Variants in UNC13C observed in about 807,000 individuals in gnomAD.
UNC13C encodes protein unc-13 homolog C.
In UNC13C, 174 loss-of-function variants were observed where a neutral mutation model predicts 245.4. The observed-to-expected ratio is 0.71, with a 90% CI of 0.63 to 0.80. UNC13C has a LOEUF of 0.80. Ranked by LOEUF, UNC13C falls within the 30% of genes least tolerant of loss-of-function variation. The pLI is 0.00. For synonymous variants in UNC13C, 992 were observed against 895.1 expected, an observed-to-expected ratio of 1.11 and a Z score of -1.93; for missense variants, 2,829 against 2,602.9, an observed-to-expected ratio of 1.09 and a Z score of -1.89.
chr15:54,126,851 A>G lies in UNC13C; in HGVS notation c.2984-16167A>G, dbSNP rs186968768. On this transcript the variant is annotated intron_variant, in intron 2 of 32. Transcript: ENST00000260323. ...TACACAGAATCTACAAGGAACTTAA[A>G]CAAATTTACAAGAAAAAAACAACCC... 2.9e-4 allele frequency among the ~76,000 whole-genome samples: 44 copies of G among 152,356 alleles called. No individual in the cohort carries two copies. The East Asian group carries it at 5.8e-3, about 20-fold the overall frequency.
Position 54,338,214 on chromosome 15 carries a change from C to T in UNC13C, c.4585-147C>T, listed in dbSNP as rs2038640192. On this transcript the variant is annotated intron_variant, in intron 16 of 32. Transcript: ENST00000260323. ...TTATATCAGAAAGTTAAAATGTTTA[C>T]ACATTTAAAACCACATGGTAAGATG... 9.2e-6 allele frequency: 8 copies of T among 873,222 alleles called. No homozygotes were observed. The South Asian group carries it at 1.3e-4, about 14-fold the overall frequency. The allele number at this position is 873,222 out of a possible 1,614,324, so 54.1% of individuals were successfully genotyped here. A position where few individuals can be genotyped will look rare whatever the true frequency, so the allele number is the denominator to read the frequency against.
At chr15:53,899,330 A>G in the UNC13C span, among the ~76,000 whole-genome samples, 1 of 152,208 alleles carries the variant, frequency 6.6e-6, no homozygotes, top group African/African-American at 2.4e-5. Context: ...CTCTGAATAA[A>G]TCTAAATTGT....
intron 24 of UNC13C, among the ~76,000 whole-genome samples, chr15:54,518,327 C>A (rs970882169): frequency 3.3e-5 from 5 of 152,090 alleles, no homozygotes; most frequent in Non-Finnish European, 7.4e-5. Context: ...CAGACCCAGG[C>A]AGGTGACGCT....
At chr15:54,448,866 G>T (rs1253679376) in intron 19 of UNC13C, among the ~76,000 whole-genome samples, 2 of 152,104 alleles carry the variant, frequency 1.3e-5, no homozygotes, top group African/African-American at 4.8e-5. Context: ...TTTCTTCCTA[G>T]CCTCGATGGT....
At position 54,500,421 on chromosome 15, in the gene UNC13C, A is replaced by C. The variant is rs111560291; in HGVS notation, c.5157+246A>C. ...TTTCTTTAATTCTTACATTAATCTG[A>C]ATCTACAGGTTTCCTAACCTTGTAC... On this transcript the variant is annotated intron_variant, in intron 21 of 32. Coordinates refer to ENST00000260323, the MANE Select transcript of UNC13C (RefSeq NM_001080534.3). Among the ~76,000 whole-genome samples the C allele has an allele frequency of 9.9e-3, 1,502 of 151,914 alleles. 11 individuals carry two copies. Among genetic ancestry groups the C allele is most frequent in the Non-Finnish European group, 0.016 (1,096 of 67,948 alleles).
At chr15:54,058,885 G>C (rs1368581759) in intron 2 of UNC13C, among the ~76,000 whole-genome samples, 6 of 152,160 alleles carry the variant, frequency 3.9e-5, no homozygotes, top group Non-Finnish European at 7.3e-5. Context: ...GATAGATGCA[G>C]AAAAGGCCTT....
At chr15:54,547,848 A>G (rs1896554820) in intron 27 of UNC13C, among the ~76,000 whole-genome samples, 1 of 147,544 alleles carries the variant, frequency 6.8e-6, no homozygotes, top group South Asian at 2.1e-4. Context: ...ATATATTTCC[A>G]TAACACCAGT....
rs71105821 is a variant in UNC13C at position 54,589,289 on chromosome 15, CTTTT to C, written c.6106+21366_6106+21369del. 1.3e-4 allele frequency among the ~76,000 whole-genome samples: 7 copies of C among 53,496 alleles called. No individual in the cohort carries two copies. The East Asian group carries it at 2.7e-3, about 20-fold the overall frequency. The allele number at this position is 53,496 out of a possible 152,430, so 35.1% of individuals were successfully genotyped here. A position where few individuals can be genotyped will look rare whatever the true frequency, so the allele number is the denominator to read the frequency against. The stretch of plus-strand genomic sequence containing the variant: ...GCCATTTGTATATCTTCTTCTTCTT[CTTTT>C]TTTTTTTTTTTTTTTTTTTTTTTGA... On this transcript the variant is annotated intron_variant, in intron 30 of 32. Coordinates refer to ENST00000260323, the MANE Select transcript of UNC13C (RefSeq NM_001080534.3).
intron 4 of UNC13C, among the ~76,000 whole-genome samples, chr15:54,145,766 G>C (rs146140801): frequency 6.6e-6 from 1 of 152,132 alleles, no homozygotes; most frequent in African/African-American, 2.4e-5. Flanking sequence ...ACCTCCCTTC[G>C]CCTACAGCAT....
chr15:54,460,839 G>A (rs1049778208), intron 19 of UNC13C, among the ~76,000 whole-genome samples: 10 of 152,192 alleles, frequency 6.6e-5, no homozygotes, highest in Non-Finnish European at 1.3e-4. Flanking sequence ...GGAGCTGCAC[G>A]TTAGTCCTGT....
intron 20 of UNC13C, among the ~76,000 whole-genome samples, chr15:54,498,236 T>C (rs1894042222): frequency 6.6e-6 from 1 of 151,970 alleles, no homozygotes; most frequent in South Asian, 2.1e-4. Flanking sequence ...ATAAAATACA[T>C]ATTGTTATTA....
chr15:54,378,697 A>T (rs903715073), intron 17 of UNC13C, among the ~76,000 whole-genome samples: 1 of 151,886 alleles, frequency 6.6e-6, no homozygotes, highest in Non-Finnish European at 1.5e-5. Flanking sequence ...TTTATACAAT[A>T]AATTAAGGTA....
intron 17 of UNC13C, among the ~76,000 whole-genome samples, chr15:54,367,386 T>C (rs1160315068): frequency 2.0e-5 from 3 of 152,194 alleles, no homozygotes; most frequent in Non-Finnish European, 4.4e-5. Context: ...GATTTAACAG[T>C]AAATAATTTC....
At chr15:54,592,687 T>C (rs1215475998) in intron 30 of UNC13C, among the ~76,000 whole-genome samples, 1 of 152,166 alleles carries the variant, frequency 6.6e-6, no homozygotes, top group Non-Finnish European at 1.5e-5. Context: ...TGAGCCCTTA[T>C]GTGTTAGGTG....
At chr15:54,029,337 T>C (rs1422503968) in intron 2 of UNC13C, among the ~76,000 whole-genome samples, 1 of 152,200 alleles carries the variant, frequency 6.6e-6, no homozygotes, top group Non-Finnish European at 1.5e-5. Flanking sequence ...TGTGATGAAC[T>C]CAAGATTAGG....
intron 2 of UNC13C, among the ~76,000 whole-genome samples, chr15:54,142,769 A>G (rs1417061935): frequency 1.3e-5 from 2 of 152,198 alleles, no homozygotes; most frequent in African/African-American, 2.4e-5. Flanking sequence ...TTTTCTTAAT[A>G]TAACACATTG....
intron 2 of UNC13C, among the ~76,000 whole-genome samples, chr15:54,114,866 G>C (rs756375401): frequency 6.6e-6 from 1 of 151,938 alleles, no homozygotes; most frequent in Non-Finnish European, 1.5e-5. Context: ...ATTATTTTCC[G>C]TTCCAGTGGC....
At chr15:53,933,106 C>T in the UNC13C span, among the ~76,000 whole-genome samples, 5 of 152,146 alleles carry the variant, frequency 3.3e-5, no homozygotes, top group Non-Finnish European at 7.4e-5. Context: ...CCTTGCCTTT[C>T]TCTTCAACTC....
chr15:54,332,305 CTGTG>C lies in UNC13C; in HGVS notation c.4494+224_4494+227del, dbSNP rs34179914. On this transcript the variant is annotated intron_variant, in intron 15 of 32. Coordinates refer to ENST00000260323, the MANE Select transcript of UNC13C (RefSeq NM_001080534.3). ...GCCCCACGTAGACTACAACAATACT[CTGTG>C]TGTGTGTGTGTGTGTGTGTGTGTGT... is the stretch of plus-strand genomic sequence containing the variant. Among the ~76,000 whole-genome samples the C allele has an allele frequency of 7.9e-3, 1,153 of 145,670 alleles. 15 individuals are homozygous for C. Among genetic ancestry groups the C allele is most frequent in the African/African-American group, 0.026 (1,010 of 39,164 alleles).
Sources: allele counts gnomAD v4.1 joint callset (sites outside exome capture counted in the v4.1 genomes callset), GRCh38; gene constraint gnomAD v4.1.1; transcripts MANE v1.5; gene names NCBI Gene and HGNC (gene_info 2026-07-23, HGNC 2026-07-21).